Variants in LTA observed in about 807,000 individuals in gnomAD.
The protein encoded by LTA is lymphotoxin alpha, also known as lymphotoxin-alpha.
In LTA, 6 loss-of-function variants were observed where a neutral mutation model predicts 15.1. That is an observed-to-expected ratio of 0.40 (90% CI 0.22 to 0.78). LTA has a LOEUF of 0.78. Among genes scored for constraint, LTA ranks in the 30% least tolerant of loss-of-function variants. The pLI, the probability that LTA is intolerant of heterozygous loss-of-function variation, is 0.38. For synonymous variants in LTA, 87 were observed against 107.3 expected, an observed-to-expected ratio of 0.81 and a Z score of 1.17; for missense variants, 173 against 249.5, an observed-to-expected ratio of 0.69 and a Z score of 2.06.
the LTA span, among the ~76,000 whole-genome samples, chr6:31,561,897 C>A: frequency 6.6e-6 from 1 of 151,900 alleles, no homozygotes; most frequent in East Asian, 1.9e-4. Context: ...CAGCATGACT[C>A]TCAGGTGGAG....
chr6:31,570,881 T>C (rs1424236198), upstream of LTA, among the ~76,000 whole-genome samples: 2 of 151,938 alleles, frequency 1.3e-5, no homozygotes, highest in African/African-American at 4.8e-5. Flanking sequence ...AGAGAGTGGT[T>C]GGTTATCTTT....
the LTA span, among the ~76,000 whole-genome samples, chr6:31,563,886 G>A: frequency 6.6e-6 from 1 of 152,216 alleles, no homozygotes; most frequent in Non-Finnish European, 1.5e-5. Context: ...GGGATTACAG[G>A]TGTGAGCTAC....
upstream of LTA, among the ~76,000 whole-genome samples, chr6:31,567,691 C>T (rs1175486962): frequency 7.2e-6 from 1 of 139,654 alleles, no homozygotes; most frequent in Non-Finnish European, 1.5e-5. Context: ...CGCATGCACG[C>T]ACCACACACT....
the LTA span, among the ~76,000 whole-genome samples, chr6:31,564,222 T>C: frequency 6.6e-6 from 1 of 152,112 alleles, no homozygotes; most frequent in Non-Finnish European, 1.5e-5. Flanking sequence ...TTGAGAAACT[T>C]GGAGAATTGA....
chr6:31,567,633 T>A (rs1770639132), upstream of LTA, among the ~76,000 whole-genome samples: 1 of 137,456 alleles, frequency 7.3e-6, no homozygotes. Context: ...TCCCTCCCCC[T>A]CTCTCCCCTG....
In LTA at chr6:31,572,988, A is replaced by T; in HGVS notation, c.160A>T (p.Met54Leu). ...CCAGACTGCCCGTCAGCACCCCAAGATGCATCTTGCCCACAGCACCCTCAA... is the reference window on the plus strand; with the variant it reads ...CCAGACTGCCCGTCAGCACCCCAAGTTGCATCTTGCCCACAGCACCCTCAA... ...AAQTARQHPK[M>L]HLAHSTLKPA... Residue 54 changes from methionine to leucine, a missense_variant, in exon 3 of 4, where the codon ATG becomes TTG. Coordinates refer to ENST00000418386, the MANE Select transcript of LTA (RefSeq NM_000595.4). 1.2e-6 allele frequency: 2 copies of T among 1,612,440 alleles called. No individual in the cohort carries two copies. The highest frequency in any genetic ancestry group is 2.2e-5 in the South Asian group (2 of 91,038).
chr6:31,570,731 C>T (rs1039980301), upstream of LTA, among the ~76,000 whole-genome samples: 1 of 152,118 alleles, frequency 6.6e-6, no homozygotes, highest in Non-Finnish European at 1.5e-5. Context: ...AAAAACATTA[C>T]TGATACATAC....
chr6:31,566,072 G>A, the LTA span, among the ~76,000 whole-genome samples: 1 of 152,002 alleles, frequency 6.6e-6, no homozygotes, highest in Non-Finnish European at 1.5e-5. Flanking sequence ...CAGCTACTCG[G>A]GGGGCCGAGG....
chr6:31,562,034 G>C, the LTA span, among the ~76,000 whole-genome samples: 1 of 150,854 alleles, frequency 6.6e-6, no homozygotes, highest in Non-Finnish European at 1.5e-5. Flanking sequence ...GGGGCGGAGT[G>C]ACCAGAAGAG....
rs3093542 is a variant in LTA at position 31,572,916 on chromosome 6, G to T, written c.100-12G>T. 4 of 1,611,550 alleles carry T rather than the reference G, an allele frequency of 2.5e-6. No homozygotes were observed. The African/African-American group carries it at 5.4e-5, about 22-fold the overall frequency. ...GAGCCCTAGAGCCCCCCTCAACTCT[G>T]TTCTCCCCTAGGGGCTCCCTGGTGT... On this transcript the variant is annotated splice_polypyrimidine_tract_variant and intron_variant, in intron 2 of 3. Coordinates refer to ENST00000418386, the MANE Select transcript of LTA (RefSeq NM_000595.4).
At chr6:31,568,804 C>T (rs1168261975), upstream of LTA, among the ~76,000 whole-genome samples, 1 of 152,130 alleles carries the variant, frequency 6.6e-6, no homozygotes, top group South Asian at 2.1e-4. The surrounding 1 kb of genome is among the most constrained non-coding windows in gnomAD (Gnocchi z 4.1). Flanking sequence ...GAGCATCCTT[C>T]GCATATCTCA....
rs763040282 is a variant in LTA, at chr6:31,572,786, C to T, written c.44C>T (p.Thr15Ile). The change falls in exon 2 of 4, where the codon ACC becomes ATC. Residue 15 changes from threonine (T) to isoleucine (I), a missense_variant. Transcript: ENST00000418386. ...ERLFLPRVCG[T>I]TLHLLLLGLL... The stretch of plus-strand genomic sequence containing the variant: ...CTCTTCCTCCCAAGGGTGTGTGGCA[C>T]CACCCTACACCTCCTCCTTCTGGGG... 6.2e-7 allele frequency: 1 copy of T among 1,611,246 alleles called. No homozygotes were observed. Among genetic ancestry groups the T allele is most frequent in the South Asian group, 1.1e-5 (1 of 91,068 alleles).
chr6:31,566,138 G>A, the LTA span, among the ~76,000 whole-genome samples: 5 of 150,996 alleles, frequency 3.3e-5, no homozygotes, highest in African/African-American at 7.3e-5. Flanking sequence ...AGATCATGCC[G>A]TAGCACTCCA....
chr6:31,568,788 C>T (rs1770696124), upstream of LTA, among the ~76,000 whole-genome samples: 1 of 152,138 alleles, frequency 6.6e-6, no homozygotes, highest in Admixed American at 6.5e-5. This position sits in a 1 kb window ranked among gnomAD's most constrained non-coding sequence, Gnocchi z 4.1. Flanking sequence ...ATTGGCCCAT[C>T]TCAAGGAGCA....
At chr6:31,572,703 T>G in intron 1 of LTA, 31 bp from the exon 2 acceptor site, 16 of 1,489,470 alleles carry the variant, frequency 1.1e-5, no homozygotes, top group African/African-American at 1.4e-5. Flanking sequence ...CCCCGCTCAC[T>G]GTCTCTCTCT....
chr6:31,573,202 A>G, intron 3 of LTA, 79 bp from the exon 4 acceptor site: 1 of 1,434,872 alleles, frequency 7.0e-7, no homozygotes. Flanking sequence ...TCAGTTGTTC[A>G]GTGCCCACTT....
At chr6:31,561,400 G>A in the LTA span, among the ~76,000 whole-genome samples, 3 of 152,124 alleles carry the variant, frequency 2.0e-5, no homozygotes, top group Non-Finnish European at 4.4e-5. Context: ...GGTGGGTGGT[G>A]GTGGCCAGGC....
chr6:31,562,811 G>T, the LTA span, among the ~76,000 whole-genome samples: 4 of 138,222 alleles, frequency 2.9e-5, no homozygotes, highest in Admixed American at 2.3e-4. Flanking sequence ...AGTGAGCCGA[G>T]ATCACACCAC....
At chr6:31,573,111 C>T in intron 3 of LTA, 78 bp downstream of exon 3, 1 of 1,309,906 alleles carries the variant, frequency 7.6e-7, no homozygotes, top group Non-Finnish European at 1.1e-6. Flanking sequence ...CAAGCATCCA[C>T]CCCTCTCCCC....
Sources: allele counts gnomAD v4.1 joint callset (sites outside exome capture counted in the v4.1 genomes callset), GRCh38; gene constraint gnomAD v4.1.1; non-coding constraint Gnocchi (gnomAD v3.1); transcripts MANE v1.5; gene names NCBI Gene and HGNC (gene_info 2026-07-23, HGNC 2026-07-21).